The following ADCY2 variants were observed in gnomAD, a reference collection of about 807,000 sequenced individuals.
The protein encoded by ADCY2 is adenylate cyclase 2, also known as adenylate cyclase type 2.
ADCY2 carries 31 observed loss-of-function variants against 125.2 expected under a neutral mutation model. The observed-to-expected ratio is 0.25, with a 90% CI of 0.19 to 0.33. The LOEUF (loss-of-function observed/expected upper bound fraction) is 0.33, where lower values mean the gene tolerates loss of function less well. ADCY2 is among the 10% of genes least tolerant of loss of function. ADCY2 has a pLI of 1.00. For missense variants in ADCY2, 904 were observed against 1,418.2 expected (o/e 0.64, Z 5.82); for synonymous variants, 512 against 548.4 (o/e 0.93, Z 0.93).
chr5:7,484,708 G>T (rs1404055630), intron 2 of ADCY2, among the ~76,000 whole-genome samples: 1 of 152,066 alleles, frequency 6.6e-6, no homozygotes, highest in Non-Finnish European at 1.5e-5. Context: ...CTCCGATCTT[G>T]GGCCAGCTTC....
chr5:7,457,763 A>G (rs762352456), intron 2 of ADCY2, among the ~76,000 whole-genome samples: 23 of 152,166 alleles, frequency 1.5e-4, no homozygotes, highest in Non-Finnish European at 2.5e-4. Context: ...TGGGGACCAA[A>G]ACGCTTCCTC....
At chr5:7,521,950 C>A (rs1356967610) in intron 3 of ADCY2, among the ~76,000 whole-genome samples, 1 of 152,128 alleles carries the variant, frequency 6.6e-6, no homozygotes, top group Non-Finnish European at 1.5e-5. Flanking sequence ...ACACAGTGGG[C>A]TAGAGTTTCA....
intron 3 of ADCY2, among the ~76,000 whole-genome samples, chr5:7,550,884 A>G (rs1735308590): frequency 6.6e-6 from 1 of 152,150 alleles, no homozygotes; most frequent in Non-Finnish European, 1.5e-5. Context: ...ACTCCATGGC[A>G]TTCTCTCTTG....
At chr5:7,539,724 G>T (rs1449404347) in intron 3 of ADCY2, among the ~76,000 whole-genome samples, 1 of 152,226 alleles carries the variant, frequency 6.6e-6, no homozygotes, top group Non-Finnish European at 1.5e-5. Context: ...GCCATCTAGT[G>T]TAGGTGGCTA....
intron 3 of ADCY2, among the ~76,000 whole-genome samples, chr5:7,562,928 A>C (rs981473093): frequency 6.6e-6 from 1 of 152,204 alleles, no homozygotes; most frequent in African/African-American, 2.4e-5. Flanking sequence ...ATGGCAAGAC[A>C]TTCTTATTAA....
chr5:7,568,560 A>T (rs773156712), intron 3 of ADCY2, among the ~76,000 whole-genome samples: 23 of 152,114 alleles, frequency 1.5e-4, no homozygotes, highest in Non-Finnish European at 2.8e-4. Flanking sequence ...AGAGTCCAAG[A>T]TGGGAGGTGT....
At chr5:7,467,677 T>C (rs1274308113) in intron 2 of ADCY2, among the ~76,000 whole-genome samples, 2 of 152,250 alleles carry the variant, frequency 1.3e-5, no homozygotes, top group African/African-American at 2.4e-5. Context: ...GAAACACTTA[T>C]TTTTATATTC....
chr5:7,809,313 C>T (rs1364725643), intron 22 of ADCY2, among the ~76,000 whole-genome samples: 3 of 152,054 alleles, frequency 2.0e-5, no homozygotes, highest in Non-Finnish European at 4.4e-5. Context: ...ATAAGGGCAT[C>T]CTAGAAATAT....
At chr5:7,445,093 G>A (rs1741190945) in intron 2 of ADCY2, among the ~76,000 whole-genome samples, 1 of 152,192 alleles carries the variant, frequency 6.6e-6, no homozygotes, top group Non-Finnish European at 1.5e-5. Flanking sequence ...TCTATTTTAA[G>A]TTTTTATGTA....
chr5:7,826,820 T>C lies in ADCY2; in HGVS notation c.3225T>C (p.Phe1075=), dbSNP rs980451033. 1 of 1,614,150 alleles carries C rather than the reference T, an allele frequency of 6.2e-7. No homozygotes were observed. The highest frequency in any genetic ancestry group is 1.3e-5 in the African/African-American group (1 of 75,062). The part of the protein sequence containing the change: ...VKGKGDLKTY[F]VNTEMSRSLS... ...GAAAGGGGGACCTGAAGACGTACTT[T>C]GTAAACACAGAAATGTCAAGGTCCC... is the stretch of plus-strand genomic sequence containing the variant. Residue 1075 remains phenylalanine, a synonymous_variant, in exon 25 of 25, where the codon TTT becomes TTC. Coordinates refer to ENST00000338316, the MANE Select transcript of ADCY2 (RefSeq NM_020546.3).
chr5:7,642,204 A>C (rs1738735066), intron 4 of ADCY2, among the ~76,000 whole-genome samples: 1 of 152,110 alleles, frequency 6.6e-6, no homozygotes, highest in African/African-American at 2.4e-5. Context: ...TGACTGTTTT[A>C]ATACTAGTTA....
intron 5 of ADCY2, among the ~76,000 whole-genome samples, chr5:7,693,718 C>T (rs183226053): frequency 5.3e-5 from 8 of 152,252 alleles, no homozygotes; most frequent in Admixed American, 2.0e-4. Context: ...CCACCACGCC[C>T]GGCCATCTGC....
chr5:7,791,779 T>C (rs958672963), intron 20 of ADCY2, among the ~76,000 whole-genome samples: 2 of 152,112 alleles, frequency 1.3e-5, no homozygotes, highest in Admixed American at 1.3e-4. Flanking sequence ...CAGAGATGAA[T>C]GGGATTAGAG....
chr5:7,425,123 T>C (rs868827249), intron 2 of ADCY2, among the ~76,000 whole-genome samples: 1 of 152,108 alleles, frequency 6.6e-6, no homozygotes, highest in Middle Eastern at 3.2e-3. Context: ...TGTGTGCAGC[T>C]CTCAGGGCAT....
intron 15 of ADCY2, 24 bp from the exon 16 acceptor site, chr5:7,757,425 C>T: frequency 6.2e-7 from 1 of 1,608,710 alleles, no homozygotes. Flanking sequence ...CAATGCTTCT[C>T]TTTTTCTTTC....
intron 2 of ADCY2, among the ~76,000 whole-genome samples, chr5:7,488,634 C>T (rs1743034361): frequency 6.6e-6 from 1 of 152,070 alleles, no homozygotes; most frequent in African/African-American, 2.4e-5. Flanking sequence ...TTTTTAGGGG[C>T]AATGGAGAGA....
At chr5:7,738,052 G>A (rs1281011908) in intron 14 of ADCY2, among the ~76,000 whole-genome samples, 1 of 152,150 alleles carries the variant, frequency 6.6e-6, no homozygotes, top group Admixed American at 6.5e-5. Flanking sequence ...AAGCTAAAGT[G>A]AAATTATGTC....
intron 3 of ADCY2, among the ~76,000 whole-genome samples, chr5:7,551,010 TTCCCTCCC>T (rs200177703): frequency 7.3e-6 from 1 of 136,770 alleles, no homozygotes; most frequent in Non-Finnish European, 1.6e-5. Flanking sequence ...GCCTCCCTTC[TTCCCTCCC>T]TCCCTCCCTC....
At chr5:7,446,230 T>C (rs1335149631) in intron 2 of ADCY2, among the ~76,000 whole-genome samples, 1 of 152,230 alleles carries the variant, frequency 6.6e-6, no homozygotes, top group Non-Finnish European at 1.5e-5. Context: ...CTTTTGATGT[T>C]TTTGGAAATG....
Sources: gnomAD v4.1 joint callset for allele counts (sites outside exome capture counted in the v4.1 genomes callset) on GRCh38, gnomAD v4.1.1 for gene constraint, MANE v1.5 for transcripts, NCBI Gene and HGNC (gene_info 2026-07-23, HGNC 2026-07-21) for gene names.